The following LRBA variants were observed in gnomAD, a reference collection of about 807,000 sequenced individuals.
LRBA encodes LPS responsive beige-like anchor protein.
In LRBA, 176 loss-of-function variants were observed where a neutral mutation model predicts 330.0. The ratio of observed to expected loss-of-function variants is 0.53; its 90% confidence interval spans 0.47 to 0.60. The LOEUF (loss-of-function observed/expected upper bound fraction) is 0.60. Among genes scored for constraint, LRBA ranks in the 20% least tolerant of loss-of-function variants. The pLI is 0.00. For synonymous variants in LRBA, 1,230 were observed against 1,193.0 expected (o/e 1.03, Z -0.64); for missense variants, 3,259 against 3,444.8 (o/e 0.95, Z 1.35).
intron 37 of LRBA, among the ~76,000 whole-genome samples, chr4:150,602,380 G>A (rs1774209251): frequency 6.6e-6 from 1 of 152,076 alleles, no homozygotes; most frequent in East Asian, 1.9e-4. Flanking sequence ...GATTGTGTAG[G>A]TAATACATGT....
chr4:150,506,662 T>C (rs1018407481), intron 40 of LRBA, among the ~76,000 whole-genome samples: 2 of 152,186 alleles, frequency 1.3e-5, no homozygotes, highest in African/African-American at 4.8e-5. Context: ...CTTTGAAAAC[T>C]GGCACAAGAC....
intron 54 of LRBA, among the ~76,000 whole-genome samples, chr4:150,283,639 A>G (rs1747821733): frequency 6.6e-6 from 1 of 152,234 alleles, no homozygotes; most frequent in Non-Finnish European, 1.5e-5. Context: ...AAATTTTTTA[A>G]ATATCCACAG....
intron 36 of LRBA, among the ~76,000 whole-genome samples, chr4:150,725,793 C>A (rs964654907): frequency 6.6e-6 from 1 of 152,012 alleles, no homozygotes; most frequent in East Asian, 1.9e-4. Flanking sequence ...ATAGATAGTA[C>A]AGTGAGATAA....
intron 48 of LRBA, among the ~76,000 whole-genome samples, chr4:150,346,438 C>CA (rs1736316098): frequency 6.6e-6 from 1 of 151,956 alleles, no homozygotes; most frequent in South Asian, 2.1e-4. Context: ...CGGTCTTTAG[C>CA]AAAAGTTGAT....
chr4:150,278,387 C>T (rs1467962529), intron 55 of LRBA, among the ~76,000 whole-genome samples: 4 of 152,136 alleles, frequency 2.6e-5, no homozygotes, highest in African/African-American at 4.8e-5. Context: ...GCAGATGGTG[C>T]CACCTGACCT....
chr4:150,885,600 G>A (rs1728863698), intron 17 of LRBA, among the ~76,000 whole-genome samples: 3 of 152,086 alleles, frequency 2.0e-5, no homozygotes, highest in Admixed American at 6.5e-5. Flanking sequence ...CATCCTGGGT[G>A]ACAGAGGGAG....
intron 49 of LRBA, among the ~76,000 whole-genome samples, chr4:150,324,011 G>GA (rs1328194312): frequency 2.0e-5 from 3 of 152,124 alleles, no homozygotes; most frequent in African/African-American, 7.2e-5. Context: ...TGGACAAAGC[G>GA]AAAAACACAA....
chr4:150,367,199 A>G (rs536751182), intron 47 of LRBA, among the ~76,000 whole-genome samples: 42 of 152,330 alleles, frequency 2.8e-4, no homozygotes, highest in African/African-American at 9.9e-4. Flanking sequence ...TATAATTTAT[A>G]ATTAATTGTT....
At chr4:150,930,555 G>A (rs999492569) in intron 2 of LRBA, among the ~76,000 whole-genome samples, 2 of 152,108 alleles carry the variant, frequency 1.3e-5, no homozygotes, top group Non-Finnish European at 2.9e-5. Context: ...ACATGACCAA[G>A]TGGAGTTTAG....
At chr4:150,303,513 C>T (rs1301143719) in intron 52 of LRBA, among the ~76,000 whole-genome samples, 1 of 152,108 alleles carries the variant, frequency 6.6e-6, no homozygotes, top group African/African-American at 2.4e-5. Flanking sequence ...AAACACAGAA[C>T]AGTTGTTCAT....
intron 37 of LRBA, among the ~76,000 whole-genome samples, chr4:150,652,216 C>G (rs1291646890): frequency 6.6e-6 from 1 of 152,092 alleles, no homozygotes; most frequent in Non-Finnish European, 1.5e-5. Context: ...CAGTTTCCCT[C>G]AATGTTTCTC....
Position 150,655,006 on chromosome 4 carries a change from G to A in LRBA, c.5921+28545C>T, listed in dbSNP as rs1028092409. On this transcript the variant is annotated intron_variant, in intron 37 of 56. Transcript: ENST00000651943. ...GTGAATAGTGCCGCAATAAACATAC[G>A]TGTGCATGTGTCTTTATAGCAGCAT... Among the ~76,000 whole-genome samples, 74 of 152,134 alleles carry A rather than the reference G, an allele frequency of 4.9e-4. 1 individual carries two copies. Among genetic ancestry groups the A allele is most frequent in the Admixed American group, 4.1e-3 (62 of 15,272 alleles).
intron 2 of LRBA, among the ~76,000 whole-genome samples, chr4:150,953,648 TCTCA>T (rs938878817): frequency 5.9e-5 from 9 of 151,682 alleles, no homozygotes; most frequent in Admixed American, 2.6e-4. Context: ...GCAGACAGAG[TCTCA>T]CTCACTGAGT....
At chr4:150,385,520 G>A (rs967616717) in intron 47 of LRBA, among the ~76,000 whole-genome samples, 2 of 152,054 alleles carry the variant, frequency 1.3e-5, no homozygotes, top group Non-Finnish European at 2.9e-5. Context: ...AGATTAAAGA[G>A]AGTAAGAGAA....
At chr4:150,474,921 A>T (rs1452533242) in intron 42 of LRBA, among the ~76,000 whole-genome samples, 2 of 152,038 alleles carry the variant, frequency 1.3e-5, no homozygotes, top group Non-Finnish European at 2.9e-5. Context: ...ACGTATTGGG[A>T]GTTTTTTGGT....
At chr4:150,834,629 G>A (rs1162656533) in intron 28 of LRBA, among the ~76,000 whole-genome samples, 7 of 152,196 alleles carry the variant, frequency 4.6e-5, no homozygotes, top group African/African-American at 1.7e-4. Context: ...TAGAGCACAG[G>A]CAGAGTAGAT....
intron 47 of LRBA, among the ~76,000 whole-genome samples, chr4:150,407,804 T>A (rs907505658): frequency 6.6e-6 from 1 of 151,770 alleles, no homozygotes; most frequent in Non-Finnish European, 1.5e-5. Context: ...TTCTAAACAA[T>A]CCATAAGCCA....
intron 40 of LRBA, among the ~76,000 whole-genome samples, chr4:150,513,722 G>A (rs1027423507): frequency 1.3e-5 from 2 of 152,022 alleles, no homozygotes; most frequent in Non-Finnish European, 2.9e-5. Context: ...CTCTTTCATC[G>A]TCTTCTTATA....
At chr4:150,706,025 T>C (rs1785584606) in intron 36 of LRBA, among the ~76,000 whole-genome samples, 1 of 152,014 alleles carries the variant, frequency 6.6e-6, no homozygotes, top group Admixed American at 6.6e-5. Context: ...CTGCAGAAGA[T>C]GTGAGTGCAT....
Sources: allele counts gnomAD v4.1 joint callset (sites outside exome capture counted in the v4.1 genomes callset), GRCh38; gene constraint gnomAD v4.1.1; transcripts MANE v1.5; gene names NCBI Gene and HGNC (gene_info 2026-07-23, HGNC 2026-07-21).